UBE4B: variants seen among roughly 807,000 people sequenced by gnomAD.
UBE4B encodes the protein ubiquitin conjugation factor E4 B.
UBE4B carries 27 observed loss-of-function variants against 148.1 expected under a neutral mutation model. The observed-to-expected ratio is 0.18, with a 90% CI of 0.13 to 0.25. The LOEUF (loss-of-function observed/expected upper bound fraction) is 0.25. UBE4B is among the 10% of genes least tolerant of loss of function. The probability of loss-of-function intolerance (pLI) is 1.00; values close to 1 mark genes in which losing one functional copy is unlikely to be tolerated. For missense variants in UBE4B, 1,170 were observed against 1,662.4 expected (o/e 0.70, Z 5.15); for synonymous variants, 596 against 619.3 (o/e 0.96, Z 0.56).
chr1:10,042,423 T>C (rs554923498), intron 1 of UBE4B, among the ~76,000 whole-genome samples: 2,632 of 149,476 alleles, frequency 0.018, 37 homozygotes, highest in Non-Finnish European at 0.027. Flanking sequence ...CTGAGGCGGG[T>C]GGATCACGAG....
chr1:10,180,052 G>T lies in UBE4B; in HGVS notation c.*96G>T. The T allele has an allele frequency of 4.6e-6, 7 of 1,536,784 alleles. No individual in the cohort carries two copies. The highest frequency in any genetic ancestry group is 6.2e-6 in the Non-Finnish European group (7 of 1,121,978). The stretch of plus-strand genomic sequence containing the variant: ...CGAAGCTGCCGTTCATGTGTTGGAG[G>T]CCAAATGTGGCAAACCAACCCCAGG... On this transcript the variant is annotated 3_prime_UTR_variant, in exon 28 of 28. Coordinates refer to ENST00000343090, the MANE Select transcript of UBE4B (RefSeq NM_001105562.3).
intron 1 of UBE4B, among the ~76,000 whole-genome samples, chr1:10,062,404 C>T (rs1171339721): frequency 6.6e-6 from 1 of 152,170 alleles, no homozygotes; most frequent in Non-Finnish European, 1.5e-5. Context: ...CCTTCACCTC[C>T]TGGGTTTAAG....
chr1:10,159,214 T>C (rs1238600714), intron 22 of UBE4B, among the ~76,000 whole-genome samples: 1 of 152,184 alleles, frequency 6.6e-6, no homozygotes, highest in East Asian at 1.9e-4. Flanking sequence ...TCATTCTTTG[T>C]GGTAAGGCCC....
chr1:10,089,701 ATTT>A (rs113644846), intron 2 of UBE4B, among the ~76,000 whole-genome samples: 4 of 142,214 alleles, frequency 2.8e-5, no homozygotes, highest in Non-Finnish European at 1.5e-5. Context: ...TACTTTTGTA[ATTT>A]TTTTTTTTTT....
chr1:10,038,280 CAAAA>C lies in UBE4B; in HGVS notation c.24+4599_24+4602del, dbSNP rs535925205. ...GGGCAACAAGAGTGAAACTCCATCTCAAAAAAAAAAAAAAAAGATTTAGAAAGTG... is the reference window on the plus strand; with the variant it reads ...GGGCAACAAGAGTGAAACTCCATCTCAAAAAAAAAAAAGATTTAGAAAGTG... On this transcript the variant is annotated intron_variant, in intron 1 of 27. Coordinates refer to ENST00000343090, the MANE Select transcript of UBE4B (RefSeq NM_001105562.3). Among the ~76,000 whole-genome samples the C allele has an allele frequency of 3.1e-5, 3 of 95,546 alleles. No individual in the cohort carries two copies. The East Asian group carries it at 8.9e-4, about 28-fold the overall frequency. The allele number at this position is 95,546 out of a possible 152,430, so 62.7% of individuals were successfully genotyped here.
intron 25 of UBE4B, 130 bp downstream of exon 25, chr1:10,171,459 A>G: frequency 3.3e-6 from 4 of 1,205,996 alleles, no homozygotes. Context: ...TGAAGAGCAG[A>G]TTTGGGCTGG....
At chr1:10,062,172 T>G (rs1281320803) in intron 1 of UBE4B, among the ~76,000 whole-genome samples, 1 of 152,070 alleles carries the variant, frequency 6.6e-6, no homozygotes, top group Non-Finnish European at 1.5e-5. Flanking sequence ...CCTCCCAAAG[T>G]GTTGGGATTA....
At chr1:10,058,148 A>G (rs1644212880) in intron 1 of UBE4B, among the ~76,000 whole-genome samples, 1 of 152,220 alleles carries the variant, frequency 6.6e-6, no homozygotes, top group Non-Finnish European at 1.5e-5. Flanking sequence ...TAAAAGCACT[A>G]GATACTTTAG....
chr1:10,164,751 C>T (rs541830229), intron 23 of UBE4B, among the ~76,000 whole-genome samples: 69 of 152,266 alleles, frequency 4.5e-4, no homozygotes, highest in South Asian at 3.3e-3. Flanking sequence ...ATCTCCCTGA[C>T]GTCTGAGCTT....
intron 14 of UBE4B, among the ~76,000 whole-genome samples, chr1:10,131,089 C>T (rs1570947230): frequency 6.6e-6 from 1 of 152,362 alleles, no homozygotes. Context: ...GGCATTTACA[C>T]TGTGAGGGTG....
chr1:10,101,048 A>G (rs1450267228), intron 3 of UBE4B, 60 bp from the exon 4 acceptor site: 5 of 1,441,736 alleles, frequency 3.5e-6, no homozygotes, highest in Non-Finnish European at 4.9e-6. Flanking sequence ...CCCAGCAGCT[A>G]CAGTGACATT....
Position 10,107,825 on chromosome 1 carries a change from G to A in UBE4B, c.1196+1242G>A, listed in dbSNP as rs575490172. ...ACTCCTGACCTCAAGTGATCTGCCCGTCTTGGCCTCCCAAAATGTTGGGAT... is the reference window on the plus strand; with the variant it reads ...ACTCCTGACCTCAAGTGATCTGCCCATCTTGGCCTCCCAAAATGTTGGGAT... On this transcript the variant is annotated intron_variant, in intron 7 of 27. Coordinates refer to ENST00000343090, the MANE Select transcript of UBE4B (RefSeq NM_001105562.3). Among the ~76,000 whole-genome samples the A allele has an allele frequency of 5.6e-4, 85 of 152,200 alleles. 1 individual carries two copies. Among genetic ancestry groups the A allele is most frequent in the African/African-American group, 1.8e-3 (75 of 41,530 alleles).
chr1:10,052,639 A>G (rs1187976950), intron 1 of UBE4B, among the ~76,000 whole-genome samples: 2 of 152,198 alleles, frequency 1.3e-5, no homozygotes, highest in African/African-American at 4.8e-5. Flanking sequence ...CTGTCTTGAA[A>G]TTCTTAATAC....
chr1:10,162,709 G>A (rs945867160), intron 23 of UBE4B, among the ~76,000 whole-genome samples: 1 of 151,798 alleles, frequency 6.6e-6, no homozygotes, highest in African/African-American at 2.4e-5. Context: ...TGATGCTGAG[G>A]CTTTATGATT....
chr1:10,103,423 A>ATTTC (rs1233686314), intron 5 of UBE4B, among the ~76,000 whole-genome samples: 1 of 146,502 alleles, frequency 6.8e-6, no homozygotes, highest in Non-Finnish European at 1.5e-5. Context: ...TTATTTATTT[A>ATTTC]TTTATTTATT....
At chr1:10,151,802 A>G (rs1645979729) in intron 21 of UBE4B, among the ~76,000 whole-genome samples, 1 of 152,148 alleles carries the variant, frequency 6.6e-6, no homozygotes, top group African/African-American at 2.4e-5. Flanking sequence ...TGAAAGTCAG[A>G]TGATTGGCAC....
At chr1:10,064,716 C>G (rs1313598912) in intron 1 of UBE4B, among the ~76,000 whole-genome samples, 1 of 151,706 alleles carries the variant, frequency 6.6e-6, no homozygotes, top group African/African-American at 2.4e-5. Context: ...GAGAAAAAAA[C>G]AAAAGCCATG....
intron 21 of UBE4B, among the ~76,000 whole-genome samples, chr1:10,153,490 T>TAAAAAAA (rs1045427991): frequency 8.1e-5 from 4 of 49,216 alleles, no homozygotes; most frequent in African/African-American, 3.4e-4. Flanking sequence ...ACCCTGTTTC[T>TAAAAAAA]AAAAAAAAAA....
rs762104627 is a variant in UBE4B, at chr1:10,179,468, C to T, written c.3753C>T (p.Thr1251=). 1 of 1,614,086 alleles carries T rather than the reference C, an allele frequency of 6.2e-7. No homozygotes were observed. The highest frequency in any genetic ancestry group is 1.1e-5 in the South Asian group (1 of 91,082). The change falls in exon 27 of 28, where the codon ACC becomes ACT. Residue 1251 remains threonine, a synonymous_variant. Coordinates refer to ENST00000343090, the MANE Select transcript of UBE4B (RefSeq NM_001105562.3). ...ACCCCGTGCGGCTGCCCTCTGGCAC[C>T]ATCATGGACCGCTCCATCATCCTGC... The part of the protein sequence containing the change: ...MTDPVRLPSG[T]IMDRSIILRH...
Sources: gnomAD v4.1 joint callset for allele counts (sites outside exome capture counted in the v4.1 genomes callset) on GRCh38, gnomAD v4.1.1 for gene constraint, MANE v1.5 for transcripts, NCBI Gene and HGNC (gene_info 2026-07-23, HGNC 2026-07-21) for gene names.